ANKFN1: variants seen among roughly 807,000 people sequenced by gnomAD.
ANKFN1 encodes the protein ankyrin repeat and fibronectin type III domain containing 1.
Under a neutral mutation model 108.7 loss-of-function variants are expected in ANKFN1, and 74 were observed. That is an observed-to-expected ratio of 0.68 (90% CI 0.56 to 0.83). The LOEUF (loss-of-function observed/expected upper bound fraction) is 0.83. Among genes scored for constraint, ANKFN1 ranks in the 40% least tolerant of loss-of-function variants. The pLI is 0.00. For synonymous variants in ANKFN1, 547 were observed against 516.2 expected (o/e 1.06, Z -0.81); for missense variants, 1,505 against 1,382.3 (o/e 1.09, Z -1.41).
At position 56,141,497 on chromosome 17, in the gene ANKFN1, G is replaced by A. The variant is rs141895468; in HGVS notation, c.289-86420G>A. On this transcript the variant is annotated intron_variant, in intron 4 of 12. Transcript: ENST00000635860. Reference sequence around the variant, plus strand: ...ATAGAGTGAAGTTTTGGATTGGAGTGGTGTGAATGCTTCAGCAAATCTTCT... The same window carrying A: ...ATAGAGTGAAGTTTTGGATTGGAGTAGTGTGAATGCTTCAGCAAATCTTCT... 3.7e-4 allele frequency among the ~76,000 whole-genome samples: 57 copies of A among 152,236 alleles called. 1 individual carries two copies. The East Asian group carries it at 9.4e-3, about 25-fold the overall frequency.
intron 5 of ANKFN1, among the ~76,000 whole-genome samples, chr17:56,351,853 C>A (rs1039276223): frequency 1.3e-5 from 2 of 152,130 alleles, no homozygotes; most frequent in African/African-American, 4.8e-5. Context: ...GGAGTAATGG[C>A]ACCATTTGTT....
intron 4 of ANKFN1, among the ~76,000 whole-genome samples, chr17:56,121,601 G>A (rs527699170): frequency 1.1e-4 from 16 of 152,002 alleles, no homozygotes; most frequent in Admixed American, 4.6e-4. Context: ...AATGAAATAC[G>A]TACAGAGGGA....
chr17:56,366,403 G>T lies in ANKFN1; in HGVS notation c.602-6243G>T, dbSNP rs1412774859. ...TCTATGCTAATTTATTATTGATAAA[G>T]AATTTTTTATACATTTAGTGTAGCT... is the stretch of plus-strand genomic sequence containing the variant. On this transcript the variant is annotated intron_variant, in intron 6 of 20. Transcript: ENST00000682825. Among the ~76,000 whole-genome samples, 9 of 152,146 alleles carry T rather than the reference G, an allele frequency of 5.9e-5. No individual in the cohort carries two copies. The East Asian group carries it at 7.7e-4, about 13-fold the overall frequency.
chr17:56,086,913 G>A (rs1193847082), intron 4 of ANKFN1, among the ~76,000 whole-genome samples: 1 of 151,216 alleles, frequency 6.6e-6, no homozygotes, highest in East Asian at 1.9e-4. Flanking sequence ...GAATTATCTT[G>A]GATTCTCATT....
rs2145513236 is a variant in ANKFN1, at chr17:56,514,590, G to C, written c.*3321G>C. Among the ~76,000 whole-genome samples, 1 of 152,182 alleles carries C rather than the reference G, an allele frequency of 6.6e-6. No homozygotes were observed. The highest frequency in any genetic ancestry group is 6.5e-5 in the Admixed American group (1 of 15,294). On this transcript the variant is annotated 3_prime_UTR_variant, in exon 21 of 21. Coordinates refer to ENST00000682825, the MANE Select transcript of ANKFN1 (RefSeq NM_001370326.1). ...CAGTAATTAAAAACATTCACTCCAG[G>C]GAATGAGTATTTTAAGAAGTAGGTA...
chr17:56,314,361 G>T (rs566425680), intron 3 of ANKFN1, among the ~76,000 whole-genome samples: 2 of 152,152 alleles, frequency 1.3e-5, no homozygotes, highest in East Asian at 3.9e-4. Flanking sequence ...GTTCTCCAAA[G>T]GTATACCATT....
intron 3 of ANKFN1, among the ~76,000 whole-genome samples, chr17:56,281,066 C>T (rs1004781512): frequency 1.3e-5 from 2 of 152,200 alleles, no homozygotes. Flanking sequence ...CCATGTGGAA[C>T]TGTTAAGTCC....
chr17:56,187,840 C>T (rs550564384), intron 1 of ANKFN1, among the ~76,000 whole-genome samples: 1 of 151,936 alleles, frequency 6.6e-6, no homozygotes, highest in Non-Finnish European at 1.5e-5. Flanking sequence ...GGACAGAAAA[C>T]CAAACACTGC....
At chr17:56,465,141 C>T (rs1426641942) in intron 14 of ANKFN1, among the ~76,000 whole-genome samples, 1 of 152,118 alleles carries the variant, frequency 6.6e-6, no homozygotes, top group Non-Finnish European at 1.5e-5. Flanking sequence ...CAGCATCACA[C>T]TGCTTATTAG....
chr17:56,346,533 A>G (rs996349020), intron 4 of ANKFN1, among the ~76,000 whole-genome samples: 1 of 152,042 alleles, frequency 6.6e-6, no homozygotes, highest in Admixed American at 6.6e-5. Context: ...AGGGCAAGTT[A>G]AAATGCCACA....
chr17:56,259,909 AACACACACAC>A lies in ANKFN1; in HGVS notation c.53+31981_53+31990del, dbSNP rs34951336. Among the ~76,000 whole-genome samples, 301 of 139,152 alleles carry A rather than the reference AACACACACAC, an allele frequency of 2.2e-3. 2 individuals carry two copies. The highest frequency in any genetic ancestry group is 7.2e-3 in the African/African-American group (272 of 37,912). The allele number at this position is 139,152 out of a possible 152,430, so 91.3% of individuals were successfully genotyped here. On this transcript the variant is annotated intron_variant, in intron 3 of 20. Coordinates refer to ENST00000682825, the MANE Select transcript of ANKFN1 (RefSeq NM_001370326.1). The stretch of plus-strand genomic sequence containing the variant: ...GTATCACTCCCCCACCCCACCTCCA[AACACACACAC>A]ACACACACACACACACACACACACA...
At chr17:56,098,682 G>T (rs888472631) in intron 4 of ANKFN1, among the ~76,000 whole-genome samples, 3 of 152,262 alleles carry the variant, frequency 2.0e-5, no homozygotes, top group Non-Finnish European at 4.4e-5. Context: ...ATGAATGAAA[G>T]CCTTCCCCTT....
intron 15 of ANKFN1, among the ~76,000 whole-genome samples, chr17:56,475,245 C>T (rs538830508): frequency 7.2e-5 from 11 of 152,156 alleles, no homozygotes; most frequent in Non-Finnish European, 1.5e-4. Flanking sequence ...TATTATAAAA[C>T]TGATTTCAAT....
chr17:56,266,762 T>C (rs1238653247), intron 3 of ANKFN1, among the ~76,000 whole-genome samples: 7 of 152,170 alleles, frequency 4.6e-5, no homozygotes, highest in African/African-American at 1.7e-4. Flanking sequence ...TGAAGAACCA[T>C]GTGACCAATT....
chr17:56,231,152 C>A (rs1482975875), intron 3 of ANKFN1, among the ~76,000 whole-genome samples: 3 of 152,044 alleles, frequency 2.0e-5, no homozygotes, highest in Admixed American at 6.6e-5. Flanking sequence ...AATCTTTTTT[C>A]TTCATTTTTT....
chr17:56,134,402 G>T (rs959806760), intron 4 of ANKFN1, among the ~76,000 whole-genome samples: 1 of 152,074 alleles, frequency 6.6e-6, no homozygotes, highest in Non-Finnish European at 1.5e-5. Flanking sequence ...GAGAATGGGG[G>T]CTGGGGCTGA....
rs772844622 is a variant in ANKFN1 at position 56,232,553 on chromosome 17, A to G, written c.53+4596A>G. ...GTAATTTCAGAATATAAGTAAAACT[A>G]TTAGGAGTTTTTTGAATTTAAATTA... On this transcript the variant is annotated intron_variant, in intron 3 of 20. Transcript: ENST00000682825. 2.1e-4 allele frequency among the ~76,000 whole-genome samples: 32 copies of G among 152,290 alleles called. No homozygotes were observed. In the Middle Eastern group the frequency reaches 0.01, roughly 49 times the overall value.
intron 3 of ANKFN1, 142 bp from the exon 4 acceptor site, chr17:56,326,079 G>A: frequency 8.7e-7 from 1 of 1,152,934 alleles, no homozygotes; most frequent in Non-Finnish European, 1.2e-6. Context: ...AATACACCTA[G>A]CCTCTGAGCC....
chr17:56,126,037 G>A (rs951624596), intron 4 of ANKFN1, among the ~76,000 whole-genome samples: 12 of 152,158 alleles, frequency 7.9e-5, no homozygotes, highest in Admixed American at 3.9e-4. Context: ...GGCCCCGCCC[G>A]GGGCTGCTGT....
Sources: gnomAD v4.1 joint callset for allele counts (sites outside exome capture counted in the v4.1 genomes callset) on GRCh38, gnomAD v4.1.1 for gene constraint, MANE v1.5 for transcripts, NCBI Gene and HGNC (gene_info 2026-07-23, HGNC 2026-07-21) for gene names.